MCTP2: variants seen among roughly 807,000 people sequenced by gnomAD.
The protein encoded by MCTP2 is multiple C2 and transmembrane domain-containing protein 2.
Under a neutral mutation model 111.6 loss-of-function variants are expected in MCTP2, and 132 were observed. That is an observed-to-expected ratio of 1.18 (90% CI 1.03 to 1.37). MCTP2 has a LOEUF of 1.37. Among genes scored for constraint, MCTP2 ranks in the 40% most tolerant of loss-of-function variants. The probability of loss-of-function intolerance (pLI) is 0.00; values close to 1 mark genes in which losing one functional copy is unlikely to be tolerated. For missense variants in MCTP2, 1,183 were observed against 1,067.9 expected (o/e 1.11, Z -1.50); for synonymous variants, 395 against 387.7 (o/e 1.02, Z -0.22).
At chr15:94,299,030 C>T (rs1442296458) in intron 2 of MCTP2, among the ~76,000 whole-genome samples, 6 of 109,574 alleles carry the variant, frequency 5.5e-5, no homozygotes, top group East Asian at 3.0e-4. Context: ...TCCCTCTCTC[C>T]CTCCCCCTCC....
At chr15:94,455,799 GA>G (rs1183738825) in intron 19 of MCTP2, among the ~76,000 whole-genome samples, 1 of 152,140 alleles carries the variant, frequency 6.6e-6, no homozygotes, top group East Asian at 1.9e-4. Flanking sequence ...CTCTGAAGGT[GA>G]TTAATAACAA....
At chr15:94,357,713 A>G (rs549775297) in intron 9 of MCTP2, among the ~76,000 whole-genome samples, 4 of 152,256 alleles carry the variant, frequency 2.6e-5, no homozygotes, top group African/African-American at 9.6e-5. Flanking sequence ...TAGTACGGGG[A>G]TTTAATACCT....
At chr15:94,270,939 G>A (rs970875176) in intron 1 of MCTP2, among the ~76,000 whole-genome samples, 3 of 152,150 alleles carry the variant, frequency 2.0e-5, no homozygotes, top group Non-Finnish European at 4.4e-5. Flanking sequence ...TATCCCTAGT[G>A]GCTGGAATAT....
chr15:94,414,993 C>T (rs2082310132), intron 17 of MCTP2, among the ~76,000 whole-genome samples: 1 of 152,074 alleles, frequency 6.6e-6, no homozygotes, highest in Non-Finnish European at 1.5e-5. Flanking sequence ...GACTGCAGTC[C>T]AGCCTGAGAG....
At chr15:94,407,159 A>G (rs1596611966) in intron 17 of MCTP2, among the ~76,000 whole-genome samples, 1 of 152,144 alleles carries the variant, frequency 6.6e-6, no homozygotes, top group African/African-American at 2.4e-5. Flanking sequence ...ATAAACCCCA[A>G]TGTTGTCTAT....
rs1324906107 is a variant in MCTP2 at position 94,399,985 on chromosome 15, T to C, written c.1955T>C (p.Leu652Pro). ...CGCTTTGTTGAAGACAGCCGCAAGC[T>C]GTCCAAAAAGGTGGGTCGCTACAGT... The part of the protein sequence containing the change: ...EKRFVEDSRK[L>P]SKKILSRDVD... The change falls in exon 16 of 23, where the codon CTG (leucine) becomes CCG (proline). Residue 652 changes from leucine to proline, a missense_variant. Coordinates refer to ENST00000357742, the MANE Select transcript of MCTP2 (RefSeq NM_001385001.1). 3 of 1,613,972 alleles carry C rather than the reference T, an allele frequency of 1.9e-6. No individual in the cohort carries two copies. The Admixed American group carries it at 5.0e-5, about 27-fold the overall frequency.
chr15:94,481,033 G>GT lies in MCTP2; in HGVS notation c.*2000dup, dbSNP rs2074699884. ...TGTTTGTTAGAAAGGAATGTTAGTT[G>GT]TAAGTGACATGTTAAGATTTATACA... On this transcript the variant is annotated 3_prime_UTR_variant, in exon 23 of 23. Coordinates refer to ENST00000357742, the MANE Select transcript of MCTP2 (RefSeq NM_001385001.1). 1 of 152,196 alleles carries GT rather than the reference G, an allele frequency of 6.6e-6. No homozygotes were observed. The highest frequency in any genetic ancestry group is 6.5e-5 in the Admixed American group (1 of 15,278). The allele number at this position is 152,196 out of a possible 1,614,324, so 9.4% of individuals were successfully genotyped here.
At chr15:94,333,827 T>A (rs943405192) in intron 4 of MCTP2, among the ~76,000 whole-genome samples, 1 of 152,196 alleles carries the variant, frequency 6.6e-6, no homozygotes, top group Non-Finnish European at 1.5e-5. Flanking sequence ...GACTTAGTGA[T>A]TTTTAGTTTT....
chr15:94,350,152 G>A (rs2078226377), intron 8 of MCTP2, among the ~76,000 whole-genome samples: 1 of 152,224 alleles, frequency 6.6e-6, no homozygotes, highest in South Asian at 2.1e-4. Flanking sequence ...AAAGAAAGAT[G>A]CTGGGAACTG....
chr15:94,454,228 A>C (rs975249424), intron 19 of MCTP2, among the ~76,000 whole-genome samples: 2 of 152,254 alleles, frequency 1.3e-5, no homozygotes, highest in Non-Finnish European at 2.9e-5. Context: ...ATTTAACTTT[A>C]TAATGATAAT....
chr15:94,300,192 C>G (rs1017797978), intron 2 of MCTP2, among the ~76,000 whole-genome samples: 1 of 151,850 alleles, frequency 6.6e-6, no homozygotes, highest in Non-Finnish European at 1.5e-5. Context: ...TTTGAAGCGA[C>G]TGCTGTTAAA....
At chr15:94,470,293 G>A in intron 20 of MCTP2, 40 bp from the exon 21 acceptor site, 1 of 1,359,630 alleles carries the variant, frequency 7.4e-7, no homozygotes, top group Non-Finnish European at 1.1e-6. Flanking sequence ...GGCAGTTGTT[G>A]AACATCAGAG....
intron 17 of MCTP2, among the ~76,000 whole-genome samples, chr15:94,434,623 C>T (rs907346060): frequency 5.3e-5 from 8 of 151,972 alleles, no homozygotes; most frequent in African/African-American, 1.9e-4. Context: ...AAAAAAAATA[C>T]CATTTTTTCG....
intron 1 of MCTP2, among the ~76,000 whole-genome samples, chr15:94,246,700 C>T (rs1006752122): frequency 6.6e-6 from 1 of 152,158 alleles, no homozygotes; most frequent in African/African-American, 2.4e-5. Flanking sequence ...TTGCAAAATC[C>T]ACAGACTGAG....
At chr15:94,270,771 A>T (rs1162639203) in intron 1 of MCTP2, among the ~76,000 whole-genome samples, 1 of 152,158 alleles carries the variant, frequency 6.6e-6, no homozygotes, top group African/African-American at 2.4e-5. Flanking sequence ...CTGATGCATG[A>T]TAGAAAAATA....
intron 1 of MCTP2, among the ~76,000 whole-genome samples, chr15:94,289,471 C>A (rs773221007): frequency 6.6e-6 from 1 of 152,068 alleles, no homozygotes; most frequent in East Asian, 1.9e-4. Flanking sequence ...AACAAGAAGG[C>A]CTTCTTAAAC....
intron 17 of MCTP2, among the ~76,000 whole-genome samples, chr15:94,415,701 A>T (rs2082341082): frequency 6.6e-6 from 1 of 151,940 alleles, no homozygotes; most frequent in Non-Finnish European, 1.5e-5. Flanking sequence ...CATATGCAAG[A>T]CCAACCCACA....
At chr15:94,338,510 C>CTTTTT (rs2077478468) in intron 4 of MCTP2, among the ~76,000 whole-genome samples, 1 of 97,478 alleles carries the variant, frequency 1.0e-5, no homozygotes, top group African/African-American at 4.7e-5. Context: ...TTTTTTTTTA[C>CTTTTT]TTCCATTGAT....
At chr15:94,421,232 C>T (rs750473452) in intron 17 of MCTP2, among the ~76,000 whole-genome samples, 8 of 151,972 alleles carry the variant, frequency 5.3e-5, no homozygotes, top group Non-Finnish European at 1.0e-4. Context: ...GACTGTAGCA[C>T]AGTGTAAACA....
Sources: gnomAD v4.1 joint callset for allele counts (sites outside exome capture counted in the v4.1 genomes callset) on GRCh38, gnomAD v4.1.1 for gene constraint, MANE v1.5 for transcripts, NCBI Gene and HGNC (gene_info 2026-07-23, HGNC 2026-07-21) for gene names.